The following LDLRAD4 variants were observed in gnomAD, a reference collection of about 807,000 sequenced individuals.
The protein encoded by LDLRAD4 is low density lipoprotein receptor class A domain containing 4, also known as low-density lipoprotein receptor class A domain-containing protein 4.
Under a neutral mutation model 17.0 loss-of-function variants are expected in LDLRAD4, and 5 were observed. The ratio of observed to expected loss-of-function variants is 0.29; its 90% CI spans 0.15 to 0.62. The LOEUF is 0.62. LDLRAD4 is among the 20% of genes least tolerant of loss of function. The pLI, the probability that LDLRAD4 is intolerant of heterozygous loss-of-function variation, is 0.84. For synonymous variants in LDLRAD4, 168 were observed against 171.8 expected, an observed-to-expected ratio of 0.98 and a Z score of 0.17; for missense variants, 340 against 424.7, an observed-to-expected ratio of 0.80 and a Z score of 1.75.
At chr18:13,531,870 G>T (rs1360272035) in intron 3 of LDLRAD4, among the ~76,000 whole-genome samples, 1 of 152,206 alleles carries the variant, frequency 6.6e-6, no homozygotes, top group Non-Finnish European at 1.5e-5. Flanking sequence ...GCAGGAGGCT[G>T]CGCTGAGGAT....
At chr18:13,598,553 C>G (rs1045588472) in intron 3 of LDLRAD4, among the ~76,000 whole-genome samples, 4 of 152,204 alleles carry the variant, frequency 2.6e-5, no homozygotes, top group Non-Finnish European at 5.9e-5. Flanking sequence ...AAAGGTTCTT[C>G]TTAACTGTCT....
At chr18:13,380,200 C>T (rs559333605) in intron 1 of LDLRAD4, among the ~76,000 whole-genome samples, 19 of 152,372 alleles carry the variant, frequency 1.2e-4, no homozygotes, top group African/African-American at 4.6e-4. Context: ...CTGACCCTTT[C>T]CCATTCCCTT....
intron 4 of LDLRAD4, among the ~76,000 whole-genome samples, chr18:13,633,167 C>T (rs541539748): frequency 6.6e-6 from 1 of 152,396 alleles, no homozygotes; most frequent in Admixed American, 6.5e-5. Flanking sequence ...CTCCTATCCA[C>T]AGGCAGGTTG....
chr18:13,403,557 C>T (rs55649792), intron 2 of LDLRAD4, among the ~76,000 whole-genome samples: 66,647 of 152,100 alleles, frequency 0.44, 16,771 homozygotes, highest in Non-Finnish European at 0.56. Flanking sequence ...GGGTGAGTTA[C>T]TTCACCTCTC....
rs2040738081 is a variant in LDLRAD4, at chr18:13,622,423, T to C, written c.336+1152T>C. On this transcript the variant is annotated intron_variant, in intron 4 of 5. Transcript: ENST00000359446. This position sits in a 1 kb window ranked among gnomAD's most constrained non-coding sequence, Gnocchi z 5.3. Reference sequence around the variant, plus strand: ...AGACGGGGCAGCCTCGGGGAGGAGATGGGATGCCAGGGGAAGACGTGCACC... The same window carrying C: ...AGACGGGGCAGCCTCGGGGAGGAGACGGGATGCCAGGGGAAGACGTGCACC... Among the ~76,000 whole-genome samples the C allele has an allele frequency of 6.6e-6, 1 of 152,152 alleles. No homozygotes were observed. The highest frequency in any genetic ancestry group is 2.4e-5 in the African/African-American group (1 of 41,424).
chr18:13,268,446 ATGC>A (rs141831002), intron 1 of LDLRAD4, among the ~76,000 whole-genome samples: 63 of 152,340 alleles, frequency 4.1e-4, no homozygotes, highest in African/African-American at 1.4e-3. Flanking sequence ...CACATGCAAA[ATGC>A]TGTGCCTTCA....
chr18:13,322,973 T>C (rs185747158), intron 1 of LDLRAD4, among the ~76,000 whole-genome samples: 30 of 152,302 alleles, frequency 2.0e-4, no homozygotes, highest in African/African-American at 5.8e-4. Flanking sequence ...AGATGGATAA[T>C]GTAAATTTGT....
rs2040926369 is a variant in LDLRAD4 at position 13,624,342 on chromosome 18, G to A, written c.336+3071G>A. Among the ~76,000 whole-genome samples the A allele has an allele frequency of 2.0e-5, 3 of 152,182 alleles. No individual in the cohort carries two copies. The South Asian group carries it at 6.2e-4, about 31-fold the overall frequency. ...GGGGTCTGGTCTGGGACTCTGCCTT[G>A]GGAACAGTTTCCCCAGTGACTCCTG... is the stretch of plus-strand genomic sequence containing the variant. On this transcript the variant is annotated intron_variant, in intron 4 of 5. Coordinates refer to ENST00000359446, the Ensembl canonical transcript of LDLRAD4.
chr18:13,262,744 T>C (rs1443159403), intron 1 of LDLRAD4, among the ~76,000 whole-genome samples: 1 of 100,238 alleles, frequency 1.0e-5, no homozygotes. Flanking sequence ...GCGTTGGGGC[T>C]GAGTCCCGTG....
At chr18:13,354,394 G>C (rs2144492658) in intron 1 of LDLRAD4, among the ~76,000 whole-genome samples, 1 of 152,316 alleles carries the variant, frequency 6.6e-6, no homozygotes, top group Non-Finnish European at 1.5e-5. Flanking sequence ...GAAATGGTAA[G>C]ATTTTGGGAC....
intron 1 of LDLRAD4, among the ~76,000 whole-genome samples, chr18:13,283,643 T>A (rs1363358572): frequency 1.3e-5 from 2 of 152,234 alleles, no homozygotes; most frequent in Non-Finnish European, 2.9e-5. Context: ...TTTCAAACTT[T>A]CCCACATTTT....
rs61320005 is a variant in LDLRAD4 at position 13,452,041 on chromosome 18, G to A, written c.181+13657G>A. On this transcript the variant is annotated intron_variant, in intron 3 of 5. Coordinates refer to ENST00000359446, the Ensembl canonical transcript of LDLRAD4. ...TCAGGGTGGCAGGAGGAAATCACCC[G>A]GAAGGACCCTCCCTTGCAGAGTAGG... 1.9e-3 allele frequency among the ~76,000 whole-genome samples: 286 copies of A among 152,316 alleles called. 1 individual carries two copies. Among genetic ancestry groups the A allele is most frequent in the African/African-American group, 5.6e-3 (232 of 41,576 alleles).
At chr18:13,345,382 G>A (rs1370642078) in intron 1 of LDLRAD4, among the ~76,000 whole-genome samples, 5 of 152,106 alleles carry the variant, frequency 3.3e-5, no homozygotes, top group African/African-American at 9.7e-5. Flanking sequence ...GCTGGATTAC[G>A]TTTATTGATT....
At chr18:13,386,919 GATA>G (rs2085860885) in intron 1 of LDLRAD4, among the ~76,000 whole-genome samples, 3 of 47,366 alleles carry the variant, frequency 6.3e-5, no homozygotes, top group Non-Finnish European at 1.9e-4. Context: ...TAGATAGATA[GATA>G]GATAGATAGA....
chr18:13,639,331 C>T (rs2042330855), intron 4 of LDLRAD4, among the ~76,000 whole-genome samples: 1 of 152,198 alleles, frequency 6.6e-6, no homozygotes, highest in Non-Finnish European at 1.5e-5. Flanking sequence ...GGAGACACAT[C>T]TTTGTACTCA....
rs766063119 is a variant in LDLRAD4 at position 13,645,252 on chromosome 18, C to T, written c.516C>T (p.Ile172=). 6.2e-7 allele frequency: 1 copy of T among 1,614,198 alleles called. No homozygotes were observed. The highest frequency in any genetic ancestry group is 8.5e-7 in the Non-Finnish European group (1 of 1,180,030). ...ACGAGATTGATCTTCCTCCCACCATCTCCCTGTCCGACGGTGAAGAGCCAC... is the reference window on the plus strand; with the variant it reads ...ACGAGATTGATCTTCCTCCCACCATTTCCCTGTCCGACGGTGAAGAGCCAC... The change falls in exon 6 of 6, where the codon ATC becomes ATT. Residue 172 remains isoleucine, a synonymous_variant. Transcript: ENST00000359446. The surrounding 1 kb of genome is among the most constrained non-coding windows in gnomAD (Gnocchi z 5.7).
chr18:13,627,503 T>G (rs1420996601), intron 4 of LDLRAD4, among the ~76,000 whole-genome samples: 4 of 152,170 alleles, frequency 2.6e-5, no homozygotes, highest in Non-Finnish European at 5.9e-5. Flanking sequence ...GAGAAAATTT[T>G]CTTCTGCACT....
intron 1 of LDLRAD4, among the ~76,000 whole-genome samples, chr18:13,232,382 C>T (rs779297701): frequency 1.3e-5 from 2 of 152,236 alleles, no homozygotes; most frequent in Non-Finnish European, 2.9e-5. Flanking sequence ...GTTTGAGCTT[C>T]TGTCCTGGTA....
chr18:13,443,702 G>A (rs150820145), intron 3 of LDLRAD4, among the ~76,000 whole-genome samples: 5 of 148,338 alleles, frequency 3.4e-5, no homozygotes, highest in East Asian at 2.2e-4. Context: ...TGTCGTCGTC[G>A]TCGTCGTCTC....
Sources: gnomAD v4.1 joint callset for allele counts (sites outside exome capture counted in the v4.1 genomes callset) on GRCh38, gnomAD v4.1.1 for gene constraint, Gnocchi (gnomAD v3.1) non-coding constraint, MANE v1.5 for transcripts, NCBI Gene and HGNC (gene_info 2026-07-23, HGNC 2026-07-21) for gene names.